The following DCC variants were observed in gnomAD, a reference collection of about 807,000 sequenced individuals.
The protein encoded by DCC is DCC netrin 1 receptor, also known as netrin receptor DCC.
Under a neutral mutation model 172.5 loss-of-function variants are expected in DCC, and 58 were observed. The ratio of observed to expected loss-of-function variants is 0.34; its 90% CI spans 0.27 to 0.42. DCC has a LOEUF of 0.42. Among genes scored for constraint, DCC ranks in the 10% least tolerant of loss-of-function variants. DCC has a pLI of 1.00. For missense variants in DCC, 1,740 were observed against 1,791.0 expected, an observed-to-expected ratio of 0.97 and a Z score of 0.51; for synonymous variants, 709 against 644.5, an observed-to-expected ratio of 1.10 and a Z score of -1.52.
intron 12 of DCC, among the ~76,000 whole-genome samples, chr18:53,279,688 T>C (rs2056847292): frequency 1.3e-5 from 2 of 148,176 alleles, no homozygotes; most frequent in Admixed American, 6.7e-5. Context: ...CTAGGCTAAA[T>C]GCCCATCATT....
At chr18:52,903,892 T>C (rs1421276831) in intron 2 of DCC, among the ~76,000 whole-genome samples, 2 of 152,216 alleles carry the variant, frequency 1.3e-5, no homozygotes, top group Non-Finnish European at 2.9e-5. Context: ...TTCTTTGGAA[T>C]AGACACAAGA....
intron 15 of DCC, among the ~76,000 whole-genome samples, chr18:53,361,096 G>T (rs1244744032): frequency 1.3e-5 from 2 of 152,106 alleles, no homozygotes; most frequent in Non-Finnish European, 2.9e-5. Flanking sequence ...ACATGGTGGA[G>T]AGATACAAGA....
chr18:53,050,272 C>T (rs986619591), intron 5 of DCC, among the ~76,000 whole-genome samples: 24 of 152,026 alleles, frequency 1.6e-4, no homozygotes, highest in South Asian at 4.1e-4. Context: ...ATGTTAATTT[C>T]TTCTGTTAAC....
intron 5 of DCC, among the ~76,000 whole-genome samples, chr18:53,060,958 C>T (rs1599083627): frequency 6.6e-6 from 1 of 152,072 alleles, no homozygotes; most frequent in Non-Finnish European, 1.5e-5. Flanking sequence ...AAGCAAGAGG[C>T]TACATACATA....
chr18:53,495,947 C>A (rs2046017594), intron 26 of DCC, among the ~76,000 whole-genome samples: 1 of 152,170 alleles, frequency 6.6e-6, no homozygotes, highest in African/African-American at 2.4e-5. Context: ...AAAAAAGCAG[C>A]AGCCCCAGTC....
At chr18:53,205,677 G>A (rs2055613975) in intron 10 of DCC, among the ~76,000 whole-genome samples, 1 of 152,198 alleles carries the variant, frequency 6.6e-6, no homozygotes. Context: ...CCTGGTCGTG[G>A]AAGGCATTTG....
At chr18:53,006,383 T>C (rs1861020567) in intron 5 of DCC, among the ~76,000 whole-genome samples, 1 of 152,142 alleles carries the variant, frequency 6.6e-6, no homozygotes, top group Non-Finnish European at 1.5e-5. Context: ...CAATGATAAG[T>C]ATAAGACAAG....
At chr18:52,667,922 A>G (rs2035483557) in intron 1 of DCC, among the ~76,000 whole-genome samples, 1 of 152,192 alleles carries the variant, frequency 6.6e-6, no homozygotes, top group Non-Finnish European at 1.5e-5. Context: ...CACACTGAGT[A>G]TGTGCCAGTT....
chr18:53,136,677 GTC>G (rs141237273), intron 7 of DCC, among the ~76,000 whole-genome samples: 6,061 of 152,160 alleles, frequency 0.04, 379 homozygotes, highest in African/African-American at 0.13. Flanking sequence ...GGTATCTTGT[GTC>G]TCTTGCTTGT....
At chr18:52,369,621 T>A (rs1985029596) in intron 1 of DCC, among the ~76,000 whole-genome samples, 1 of 151,914 alleles carries the variant, frequency 6.6e-6, no homozygotes, top group South Asian at 2.1e-4. Context: ...GCCTCTCTGC[T>A]TGTTACATTT....
intron 12 of DCC, among the ~76,000 whole-genome samples, chr18:53,253,602 T>C (rs1297228991): frequency 6.6e-6 from 1 of 152,066 alleles, no homozygotes; most frequent in Non-Finnish European, 1.5e-5. Flanking sequence ...CTCTAAGCAG[T>C]TGAAAATACT....
chr18:53,052,900 T>C (rs1024511141), intron 5 of DCC, among the ~76,000 whole-genome samples: 1 of 152,074 alleles, frequency 6.6e-6, no homozygotes, highest in African/African-American at 2.4e-5. Flanking sequence ...CCCAGCACTT[T>C]GGGAGGCTGA....
At chr18:52,760,455 T>C (rs1416067714) in intron 2 of DCC, among the ~76,000 whole-genome samples, 1 of 152,134 alleles carries the variant, frequency 6.6e-6, no homozygotes, top group African/African-American at 2.4e-5. Flanking sequence ...GGGGCAGGAC[T>C]CCTGTCACAT....
At chr18:52,359,388 T>C (rs1180982582) in intron 1 of DCC, among the ~76,000 whole-genome samples, 1 of 152,208 alleles carries the variant, frequency 6.6e-6, no homozygotes, top group Non-Finnish European at 1.5e-5. Context: ...AATATCCCAT[T>C]TTAAGTAGCA....
At chr18:52,506,315 G>A (rs2031228762) in intron 1 of DCC, among the ~76,000 whole-genome samples, 1 of 152,014 alleles carries the variant, frequency 6.6e-6, no homozygotes, top group Non-Finnish European at 1.5e-5. Flanking sequence ...TTCATGTGAA[G>A]CATATGATTT....
At chr18:52,416,658 G>C (rs371757945) in intron 1 of DCC, among the ~76,000 whole-genome samples, 53 of 145,700 alleles carry the variant, frequency 3.6e-4, no homozygotes, top group Non-Finnish European at 6.8e-4. Flanking sequence ...GATCTTTGTT[G>C]GTTTAAAGTC....
intron 12 of DCC, among the ~76,000 whole-genome samples, chr18:53,304,722 G>A (rs1444313330): frequency 6.6e-6 from 1 of 152,150 alleles, no homozygotes; most frequent in Non-Finnish European, 1.5e-5. Context: ...TACCTTCCAA[G>A]TTATATAAGC....
In DCC at chr18:53,127,484, T is replaced by C. The variant is rs528453817; in HGVS notation, c.1262-29872T>C. ...TCTGCAGGGTCCCTAGAAATCCACA[T>C]TCAATGGTTTTAAATTTTGCAAATG... On this transcript the variant is annotated intron_variant, in intron 7 of 28. Coordinates refer to ENST00000442544, the MANE Select transcript of DCC (RefSeq NM_005215.4). Among the ~76,000 whole-genome samples the C allele has an allele frequency of 3.9e-5, 6 of 152,186 alleles. No individual in the cohort carries two copies. The South Asian group carries it at 1.2e-3, about 32-fold the overall frequency.
At chr18:53,194,448 T>TTTG (rs935833790) in intron 9 of DCC, among the ~76,000 whole-genome samples, 1 of 151,884 alleles carries the variant, frequency 6.6e-6, no homozygotes, top group Non-Finnish European at 1.5e-5. Flanking sequence ...GTGGTGGTTT[T>TTTG]TTGTTGTTGT....
Sources: allele counts gnomAD v4.1 joint callset (sites outside exome capture counted in the v4.1 genomes callset), GRCh38; gene constraint gnomAD v4.1.1; transcripts MANE v1.5; gene names NCBI Gene and HGNC (gene_info 2026-07-23, HGNC 2026-07-21).